The following CALD1 variants were observed in gnomAD, a reference collection of about 807,000 sequenced individuals.
CALD1 encodes caldesmon 1.
CALD1 carries 33 observed loss-of-function variants against 99.9 expected under a neutral mutation model. The ratio of observed to expected loss-of-function variants is 0.33; its 90% confidence interval spans 0.25 to 0.44. CALD1 has a LOEUF of 0.44. Among genes scored for constraint, CALD1 ranks in the 20% least tolerant of loss-of-function variants. CALD1 has a pLI of 1.00. For synonymous variants in CALD1, 310 were observed against 325.0 expected, an observed-to-expected ratio of 0.95 and a Z score of 0.50; for missense variants, 861 against 962.1, an observed-to-expected ratio of 0.89 and a Z score of 1.39.
At chr7:134,760,682 T>C (rs13229443) in intron 1 of CALD1, among the ~76,000 whole-genome samples, 105,772 of 152,122 alleles carry the variant, frequency 0.7, 37,620 homozygotes, top group East Asian at 0.99. Flanking sequence ...GCATATGAAG[T>C]AATACTTACA....
At chr7:134,929,000 AC>A (rs1387287281) in intron 4 of CALD1, 100 bp downstream of exon 4, 34 of 1,051,654 alleles carry the variant, frequency 3.2e-5, no homozygotes, top group Non-Finnish European at 8.3e-6. Context: ...GCCCAACTCA[AC>A]CCTTTTTCAA....
chr7:134,825,700 G>A (rs1309113682), intron 1 of CALD1, among the ~76,000 whole-genome samples: 2 of 151,962 alleles, frequency 1.3e-5, no homozygotes, highest in Non-Finnish European at 2.9e-5. Context: ...ATAACCCAAG[G>A]TCATTTTATA....
At chr7:134,905,750 T>C (rs1481835124) in intron 3 of CALD1, among the ~76,000 whole-genome samples, 1 of 151,968 alleles carries the variant, frequency 6.6e-6, no homozygotes, top group East Asian at 1.9e-4. Flanking sequence ...GGGGTCTAAA[T>C]ACTGCTTTAC....
chr7:134,765,403 A>G (rs1031595714), intron 1 of CALD1, among the ~76,000 whole-genome samples: 11 of 152,230 alleles, frequency 7.2e-5, no homozygotes, highest in Admixed American at 5.9e-4. Flanking sequence ...ACATGAGAAC[A>G]AATGAGTTTT....
At chr7:134,752,828 C>T (rs532808163) in intron 1 of CALD1, among the ~76,000 whole-genome samples, 96 of 151,880 alleles carry the variant, frequency 6.3e-4, no homozygotes, top group African/African-American at 2.3e-3. Context: ...TGGTGAAACA[C>T]CATCTCTACT....
intron 1 of CALD1, among the ~76,000 whole-genome samples, chr7:134,800,580 CTTTTAT>C (rs1797906844): frequency 6.6e-6 from 1 of 151,748 alleles, no homozygotes; most frequent in African/African-American, 2.4e-5. Context: ...AATTTAAAAC[CTTTTAT>C]TTTTAATATT....
chr7:134,777,556 A>T (rs2131654914), upstream of CALD1, among the ~76,000 whole-genome samples: 1 of 152,296 alleles, frequency 6.6e-6, no homozygotes, highest in South Asian at 2.1e-4. Context: ...TAGATTGCAA[A>T]ATTATACCCT....
chr7:134,858,672 C>T (rs1391194026), intron 2 of CALD1, among the ~76,000 whole-genome samples: 3 of 152,018 alleles, frequency 2.0e-5, no homozygotes, highest in Admixed American at 1.3e-4. Context: ...CAGGTTCAAG[C>T]GATTCTCCTG....
intron 3 of CALD1, among the ~76,000 whole-genome samples, chr7:134,906,448 A>C (rs779541457): frequency 4.6e-5 from 7 of 152,172 alleles, no homozygotes; most frequent in Non-Finnish European, 1.0e-4. Context: ...AATCATGTCT[A>C]TTCAATGTTG....
At chr7:134,746,529 T>G (rs1489942291) in intron 1 of CALD1, among the ~76,000 whole-genome samples, 3 of 152,222 alleles carry the variant, frequency 2.0e-5, no homozygotes, top group African/African-American at 7.2e-5. Flanking sequence ...GCTTTGGAAC[T>G]GGATAATGAG....
At chr7:134,883,543 C>A (rs1263629720) in intron 3 of CALD1, among the ~76,000 whole-genome samples, 1 of 152,076 alleles carries the variant, frequency 6.6e-6, no homozygotes, top group African/African-American at 2.4e-5. Flanking sequence ...AAAAAGGCCC[C>A]ATTTGCTTTT....
chr7:134,776,449 T>C (rs1796919487), upstream of CALD1, among the ~76,000 whole-genome samples: 2 of 152,242 alleles, frequency 1.3e-5, no homozygotes, highest in Non-Finnish European at 2.9e-5. Context: ...ATTATATCAG[T>C]GGATCTTCAG....
intron 3 of CALD1, among the ~76,000 whole-genome samples, chr7:134,874,464 G>A (rs890296687): frequency 6.6e-6 from 1 of 152,110 alleles, no homozygotes; most frequent in African/African-American, 2.4e-5. Context: ...CAGGCATGAG[G>A]AGCTGTGATG....
At chr7:134,751,834 G>T (rs780561811) in intron 1 of CALD1, among the ~76,000 whole-genome samples, 6 of 152,056 alleles carry the variant, frequency 3.9e-5, no homozygotes, top group Non-Finnish European at 8.8e-5. Context: ...AAAATTAGGC[G>T]GGTGTGGTGG....
intron 3 of CALD1, among the ~76,000 whole-genome samples, chr7:134,870,907 G>A (rs2290358): frequency 0.25 from 37,666 of 152,052 alleles, 6,199 homozygotes; most frequent in East Asian, 0.69. Context: ...TCATTTATGG[G>A]AATAGTGAAA....
At chr7:134,912,727 C>T (rs1454987515) in intron 3 of CALD1, among the ~76,000 whole-genome samples, 1 of 152,106 alleles carries the variant, frequency 6.6e-6, no homozygotes, top group Non-Finnish European at 1.5e-5. Context: ...TTAAAAATCT[C>T]CCCAGTGAAG....
At chr7:134,740,641 T>C (rs1440822775), upstream of CALD1, among the ~76,000 whole-genome samples, 1 of 152,192 alleles carries the variant, frequency 6.6e-6, no homozygotes, top group Non-Finnish European at 1.5e-5. Flanking sequence ...ACATTATTTT[T>C]AAATTCTGTG....
chr7:134,868,705 A>G (rs190832519), intron 3 of CALD1, among the ~76,000 whole-genome samples: 16 of 152,356 alleles, frequency 1.1e-4, no homozygotes, highest in African/African-American at 3.8e-4. Flanking sequence ...ATGCAAAAGC[A>G]AAAGATAAAA....
intron 3 of CALD1, chr7:134,920,691 C>T (rs1375591197): frequency 1.6e-6 from 2 of 1,289,028 alleles, no homozygotes; most frequent in Non-Finnish European, 2.0e-6. Context: ...TAGAGCTGAT[C>T]TTGGGGACCG....
Sources: gnomAD v4.1 joint callset for allele counts (sites outside exome capture counted in the v4.1 genomes callset) on GRCh38, gnomAD v4.1.1 for gene constraint, MANE v1.5 for transcripts, NCBI Gene and HGNC (gene_info 2026-07-23, HGNC 2026-07-21) for gene names.